The following MGMT variants were observed in gnomAD, a reference collection of about 807,000 sequenced individuals.
MGMT encodes the protein O-6-methylguanine-DNA methyltransferase.
In MGMT, 14 loss-of-function variants were observed where a neutral mutation model predicts 15.9. The ratio of observed to expected loss-of-function variants is 0.88; its 90% CI spans 0.58 to 1.37. The LOEUF (loss-of-function observed/expected upper bound fraction) is 1.37. Ranked by LOEUF, MGMT falls within the 40% of genes most tolerant of loss-of-function variation. The pLI is 0.00. For synonymous variants in MGMT, 130 were observed against 118.2 expected (o/e 1.10, Z -0.65); for missense variants, 282 against 268.1 (o/e 1.05, Z -0.36).
At chr10:129,673,655 T>C (rs1589928852) in intron 2 of MGMT, among the ~76,000 whole-genome samples, 1 of 152,150 alleles carries the variant, frequency 6.6e-6, no homozygotes, top group Non-Finnish European at 1.5e-5. Context: ...CATTCAGGGG[T>C]TGCAAGTTCT....
chr10:129,707,778 G>A (rs2133142402), intron 2 of MGMT, 117 bp from the exon 3 acceptor site: 3 of 1,359,740 alleles, frequency 2.2e-6, no homozygotes, highest in Non-Finnish European at 3.1e-6. Flanking sequence ...GTTGAGACGT[G>A]TGTGCCCATG....
intron 1 of MGMT, among the ~76,000 whole-genome samples, chr10:129,508,778 C>T (rs1036013728): frequency 5.9e-5 from 9 of 151,946 alleles, no homozygotes; most frequent in Admixed American, 3.9e-4. Context: ...AGCTCCTGAT[C>T]GCAGGTGATC....
At chr10:129,514,282 G>A (rs1244494609) in intron 1 of MGMT, among the ~76,000 whole-genome samples, 1 of 152,146 alleles carries the variant, frequency 6.6e-6, no homozygotes, top group Non-Finnish European at 1.5e-5. Context: ...ATTGGGTATT[G>A]TTTACATATA....
chr10:129,661,003 T>C (rs895676195), intron 2 of MGMT, among the ~76,000 whole-genome samples: 1 of 152,190 alleles, frequency 6.6e-6, no homozygotes, highest in African/African-American at 2.4e-5. Context: ...TCTTAGTCCT[T>C]TGGAATGCAA....
intron 1 of MGMT, among the ~76,000 whole-genome samples, chr10:129,505,519 T>A (rs1166168740): frequency 6.6e-6 from 1 of 152,246 alleles, no homozygotes; most frequent in Non-Finnish European, 1.5e-5. Context: ...GGAGCTCAGA[T>A]AGATACACGG....
chr10:129,552,751 T>C (rs1163924483), intron 2 of MGMT, among the ~76,000 whole-genome samples: 2 of 152,224 alleles, frequency 1.3e-5, no homozygotes, highest in Non-Finnish European at 2.9e-5. Flanking sequence ...CCCCTTCTGC[T>C]GATGTCCGTG....
intron 2 of MGMT, among the ~76,000 whole-genome samples, chr10:129,557,225 A>G (rs1846224213): frequency 6.6e-6 from 1 of 152,222 alleles, no homozygotes; most frequent in Non-Finnish European, 1.5e-5. Context: ...ATGTGCCATG[A>G]GATGTAAAAT....
chr10:129,654,746 G>T (rs955160038), intron 2 of MGMT, among the ~76,000 whole-genome samples: 9 of 152,174 alleles, frequency 5.9e-5, no homozygotes, highest in Middle Eastern at 3.4e-3. Context: ...GCCCTGGCAG[G>T]CAGGACAAGG....
intron 2 of MGMT, among the ~76,000 whole-genome samples, chr10:129,579,124 T>C (rs1360043925): frequency 6.6e-6 from 1 of 152,232 alleles, no homozygotes; most frequent in Non-Finnish European, 1.5e-5. Flanking sequence ...TCATTTTCTA[T>C]ATTGAATTAA....
intron 1 of MGMT, among the ~76,000 whole-genome samples, chr10:129,523,626 C>T (rs1845837293): frequency 6.6e-6 from 1 of 152,138 alleles, no homozygotes; most frequent in African/African-American, 2.4e-5. Flanking sequence ...CCGTGGAATC[C>T]GTCTTGCTTT....
chr10:129,475,593 C>T (rs564855450), intron 1 of MGMT, among the ~76,000 whole-genome samples: 211 of 152,298 alleles, frequency 1.4e-3, no homozygotes, highest in African/African-American at 4.8e-3. Flanking sequence ...ATTGTGTTAT[C>T]ATCAGATTAA....
chr10:129,577,023 A>G (rs1404334088), intron 2 of MGMT, among the ~76,000 whole-genome samples: 239 of 152,256 alleles, frequency 1.6e-3, no homozygotes, highest in African/African-American at 5.2e-3. Flanking sequence ...CCACTGCTCA[A>G]TGAAATAAAA....
chr10:129,558,509 GGTGGCGGGGGCCA>G (rs1407176285), intron 2 of MGMT, among the ~76,000 whole-genome samples: 1 of 152,180 alleles, frequency 6.6e-6, no homozygotes, highest in Admixed American at 6.5e-5. Context: ...CTGCCTTTGT[GGTGGCGGGGGCCA>G]GTTTGCCTGG....
Position 129,757,061 on chromosome 10 carries a change from CAG to C in MGMT, c.275-2138_275-2137del, listed in dbSNP as rs1848815564. Reference sequence around the variant, plus strand: ...TGCATTCGTTCGCTGCAGGGTGAAACAGAGTTTTCAGATACATTTGTAAAATC... The same window carrying C: ...TGCATTCGTTCGCTGCAGGGTGAAACAGTTTTCAGATACATTTGTAAAATC... On this transcript the variant is annotated intron_variant, in intron 3 of 4. Coordinates refer to ENST00000651593, the MANE Select transcript of MGMT (RefSeq NM_002412.5). 2.6e-5 allele frequency among the ~76,000 whole-genome samples: 4 copies of C among 152,288 alleles called. No homozygotes were observed. In the South Asian group the frequency reaches 8.3e-4, roughly 32 times the overall value.
intron 2 of MGMT, chr10:129,694,033 A>C (rs1466016248): frequency 1.3e-5 from 2 of 152,284 alleles, no homozygotes; most frequent in Non-Finnish European, 2.9e-5. Flanking sequence ...CCCCACGTCC[A>C]GGCAGCAGGG....
At chr10:129,621,364 G>T (rs566820633) in intron 2 of MGMT, among the ~76,000 whole-genome samples, 15 of 152,264 alleles carry the variant, frequency 9.9e-5, no homozygotes, top group African/African-American at 3.6e-4. Context: ...ACATGGTTGT[G>T]ACTTTTTCCT....
intron 3 of MGMT, among the ~76,000 whole-genome samples, chr10:129,725,263 C>T (rs1020287499): frequency 2.0e-5 from 3 of 152,252 alleles, no homozygotes; most frequent in African/African-American, 7.2e-5. Context: ...CTGCTCTCAC[C>T]TGTGTGTGGA....
intron 3 of MGMT, among the ~76,000 whole-genome samples, chr10:129,731,171 C>G (rs963792831): frequency 2.6e-5 from 4 of 152,126 alleles, no homozygotes; most frequent in African/African-American, 9.6e-5. Context: ...TGGAGCCTAC[C>G]GGGGCATTCC....
At chr10:129,596,219 T>C (rs911913533) in intron 2 of MGMT, among the ~76,000 whole-genome samples, 2 of 152,058 alleles carry the variant, frequency 1.3e-5, no homozygotes, top group African/African-American at 4.8e-5. Context: ...AGTGGTGACA[T>C]AAATAATGCT....
Sources: gnomAD v4.1 joint callset for allele counts (sites outside exome capture counted in the v4.1 genomes callset) on GRCh38, gnomAD v4.1.1 for gene constraint, MANE v1.5 for transcripts, NCBI Gene and HGNC (gene_info 2026-07-23, HGNC 2026-07-21) for gene names.